The following NXPE2 variants were observed in gnomAD, a reference collection of about 807,000 sequenced individuals.
The protein encoded by NXPE2 is neurexophilin and PC-esterase domain family member 2.
In NXPE2, 34 loss-of-function variants were observed where a neutral mutation model predicts 34.4. The ratio of observed to expected loss-of-function variants is 0.99; its 90% CI spans 0.75 to 1.31. The LOEUF (loss-of-function observed/expected upper bound fraction) is 1.31, where lower values mean the gene tolerates loss of function less well. NXPE2 is among the 40% of genes most tolerant of loss of function. NXPE2 has a pLI of 0.00. For missense variants in NXPE2, 649 were observed against 672.5 expected (o/e 0.97, Z 0.39); for synonymous variants, 235 against 231.3 (o/e 1.02, Z -0.15).
the NXPE2 span, among the ~76,000 whole-genome samples, chr11:114,758,529 G>A: frequency 6.6e-6 from 1 of 152,134 alleles, no homozygotes; most frequent in Admixed American, 6.6e-5. Flanking sequence ...GATATATGGC[G>A]ATTTTTCACA....
the NXPE2 span, among the ~76,000 whole-genome samples, chr11:114,539,831 A>G: frequency 6.6e-6 from 1 of 152,192 alleles, no homozygotes; most frequent in Non-Finnish European, 1.5e-5. Flanking sequence ...TTATAGGTTA[A>G]TGGTACCATC....
the NXPE2 span, among the ~76,000 whole-genome samples, chr11:114,770,337 G>A: frequency 1.3e-5 from 2 of 152,212 alleles, no homozygotes; most frequent in Admixed American, 1.3e-4. Flanking sequence ...ACCTCTTGCT[G>A]CACTGTCTTT....
the NXPE2 span, among the ~76,000 whole-genome samples, chr11:114,604,811 G>A: frequency 6.6e-6 from 1 of 152,190 alleles, no homozygotes; most frequent in Admixed American, 6.5e-5. Context: ...GGTAACCACT[G>A]TTACCTGGTG....
intron 2 of NXPE2, among the ~76,000 whole-genome samples, chr11:114,695,867 A>ACACACACACACACACACAC (rs1951242105): frequency 1.7e-4 from 26 of 150,026 alleles, no homozygotes; most frequent in South Asian, 6.4e-4. Flanking sequence ...ACACACACAC[A>ACACACACACACACACACAC]ATTAGCTGGG....
At chr11:114,773,709 A>G in the NXPE2 span, among the ~76,000 whole-genome samples, 1 of 152,228 alleles carries the variant, frequency 6.6e-6, no homozygotes, top group Non-Finnish European at 1.5e-5. Context: ...GACTGAGTAA[A>G]GTAGATTGCC....
At chr11:114,535,195 A>C in the NXPE2 span, among the ~76,000 whole-genome samples, 3 of 152,206 alleles carry the variant, frequency 2.0e-5, no homozygotes, top group Non-Finnish European at 4.4e-5. Flanking sequence ...TTCATAAGTG[A>C]AGGAGAAATA....
chr11:114,644,178 A>G, the NXPE2 span, among the ~76,000 whole-genome samples: 1 of 152,162 alleles, frequency 6.6e-6, no homozygotes, highest in Non-Finnish European at 1.5e-5. Context: ...GGTTTTCTAA[A>G]TATACAATCA....
chr11:114,530,263 G>T, the NXPE2 span: 4 of 1,614,102 alleles, frequency 2.5e-6, no homozygotes, highest in Non-Finnish European at 3.4e-6. Flanking sequence ...CAGGGCATGT[G>T]TTGAGGCTTC....
chr11:114,806,408 G>A, the NXPE2 span, among the ~76,000 whole-genome samples: 8 of 149,538 alleles, frequency 5.3e-5, no homozygotes, highest in African/African-American at 2.0e-4. Context: ...AGCTACAGAA[G>A]GAAATTCGAA....
At chr11:114,691,662 G>T (rs191916222) in intron 2 of NXPE2, among the ~76,000 whole-genome samples, 6 of 152,160 alleles carry the variant, frequency 3.9e-5, no homozygotes, top group African/African-American at 1.2e-4. Flanking sequence ...AAGAAAGGTG[G>T]GGGTGAGAGA....
the NXPE2 span, among the ~76,000 whole-genome samples, chr11:114,548,017 A>C: frequency 6.6e-6 from 1 of 152,176 alleles, no homozygotes; most frequent in African/African-American, 2.4e-5. Flanking sequence ...TTGAACAATT[A>C]AATACCACAT....
the NXPE2 span, chr11:114,582,471 T>C: frequency 6.2e-7 from 1 of 1,614,036 alleles, no homozygotes; most frequent in Non-Finnish European, 8.5e-7. Flanking sequence ...ACATTCAGAG[T>C]GGACTTGGGA....
At chr11:114,578,764 C>A in the NXPE2 span, among the ~76,000 whole-genome samples, 4 of 152,140 alleles carry the variant, frequency 2.6e-5, no homozygotes, top group African/African-American at 9.7e-5. Flanking sequence ...GGTCTACTAG[C>A]AAATTCTGAG....
chr11:114,645,706 G>T, the NXPE2 span, among the ~76,000 whole-genome samples: 2 of 151,934 alleles, frequency 1.3e-5, no homozygotes, highest in Admixed American at 6.6e-5. Flanking sequence ...ATGAAGAAAA[G>T]ACATGAATAA....
the NXPE2 span, chr11:114,582,366 C>T: frequency 2.1e-5 from 34 of 1,614,080 alleles, no homozygotes; most frequent in Non-Finnish European, 2.6e-5. Context: ...GAGTGCAGCA[C>T]AGGGCATGTG....
the NXPE2 span, among the ~76,000 whole-genome samples, chr11:114,558,229 T>C: frequency 6.6e-6 from 1 of 152,156 alleles, no homozygotes; most frequent in Non-Finnish European, 1.5e-5. Context: ...TATATATCCA[T>C]ATATATGCAC....
chr11:114,530,143 C>T, the NXPE2 span: 50 of 1,551,704 alleles, frequency 3.2e-5, no homozygotes, highest in South Asian at 6.0e-4. Context: ...TCTCAGGGGA[C>T]ACTTCTCAGT....
At chr11:114,617,051 G>A in the NXPE2 span, among the ~76,000 whole-genome samples, 1 of 151,042 alleles carries the variant, frequency 6.6e-6, no homozygotes, top group South Asian at 2.1e-4. Context: ...GTTACCCAGT[G>A]TAGTAAGTAT....
the NXPE2 span, among the ~76,000 whole-genome samples, chr11:114,783,252 A>G: frequency 6.6e-6 from 1 of 152,212 alleles, no homozygotes; most frequent in Non-Finnish European, 1.5e-5. Flanking sequence ...ATAAAAACCT[A>G]AAGTTAAAAC....
Sources: allele counts gnomAD v4.1 joint callset (sites outside exome capture counted in the v4.1 genomes callset), GRCh38; gene constraint gnomAD v4.1.1; transcripts MANE v1.5; gene names NCBI Gene and HGNC (gene_info 2026-07-23, HGNC 2026-07-21).